PIGQ: variants seen among roughly 807,000 people sequenced by gnomAD.
PIGQ encodes the protein phosphatidylinositol glycan anchor biosynthesis class Q.
A neutral mutation model predicts 60.3 loss-of-function variants in PIGQ; 54 were observed. That is an observed-to-expected ratio of 0.90 (90% CI 0.72 to 1.12). PIGQ has a LOEUF of 1.12. PIGQ is among the 50% of genes most tolerant of loss of function. The pLI, the probability that PIGQ is intolerant of heterozygous loss-of-function variation, is 0.00. For synonymous variants in PIGQ, 416 were observed against 363.7 expected (o/e 1.14, Z -1.64); for missense variants, 799 against 793.5 (o/e 1.01, Z -0.08).
Position 583,389 on chromosome 16 carries a change from C to T in PIGQ, c.*354C>T. Reference sequence around the variant, plus strand: ...CCAGAGGGTCCGTCCACCACAGCAGCCCCAGGTGGAGGGCTGGTCTCCCTG... The same window carrying T: ...CCAGAGGGTCCGTCCACCACAGCAGTCCCAGGTGGAGGGCTGGTCTCCCTG... On this transcript the variant is annotated 3_prime_UTR_variant, in exon 11 of 11. Coordinates refer to ENST00000321878, the MANE Select transcript of PIGQ (RefSeq NM_004204.5). 3 of 1,612,750 alleles carry T rather than the reference C, an allele frequency of 1.9e-6. No individual in the cohort carries two copies. Among genetic ancestry groups the T allele is most frequent in the Non-Finnish European group, 2.5e-6 (3 of 1,179,932 alleles).
chr16:571,454 T>TGTG (rs2035624466), intron 1 of PIGQ, among the ~76,000 whole-genome samples: 1 of 43,986 alleles, frequency 2.3e-5, no homozygotes. Context: ...GTGTGTGTGT[T>TGTG]TGTGTCTGGC....
intron 1 of PIGQ, 47 bp from the exon 2 acceptor site, chr16:574,019 G>A (rs565864100): frequency 7.4e-7 from 1 of 1,351,338 alleles, no homozygotes; most frequent in African/African-American, 1.4e-5. Flanking sequence ...GCCCACGGTG[G>A]GGGGGCAGCA....
Position 575,953 on chromosome 16 carries a change from C to A in PIGQ, c.804C>A (p.Asn268Lys), listed in dbSNP as rs747036362. Reference sequence around the variant, plus strand: ...TCTTCAGTACACGGAAGGCGGAGAACCCTGCCCAGCTGATGAGGTGTGGGC... The same window carrying A: ...TCTTCAGTACACGGAAGGCGGAGAAACCTGCCCAGCTGATGAGGTGTGGGC... ...TLIFSTRKAENPAQLMRKANT... is the reference protein window; with the variant it reads ...TLIFSTRKAEKPAQLMRKANT... The change falls in exon 3 of 11, where the codon AAC (asparagine) becomes AAA (lysine). Residue 268 changes from asparagine (N) to lysine (K), a missense_variant. Coordinates refer to ENST00000321878, the MANE Select transcript of PIGQ (RefSeq NM_004204.5). The A allele has an allele frequency of 3.1e-5, 49 of 1,584,918 alleles. No individual in the cohort carries two copies. The highest frequency in any genetic ancestry group is 3.3e-4 in the Middle Eastern group (2 of 6,044).
Position 574,457 on chromosome 16 carries a change from T to C in PIGQ, c.383T>C (p.Leu128Pro). ...PGAPGEDQVM[L>P]IFYDQRQVLL... The stretch of plus-strand genomic sequence containing the variant: ...GCCCCTGGTGAGGACCAGGTCATGC[T>C]CATCTTCTATGACCAGCGCCAGGTG... The change falls in exon 2 of 11, where the codon CTC becomes CCC. Residue 128 changes from leucine (L) to proline (P), a missense_variant. Transcript: ENST00000321878. 2 of 1,610,834 alleles carry C rather than the reference T, an allele frequency of 1.2e-6. No homozygotes were observed. The highest frequency in any genetic ancestry group is 1.7e-6 in the Non-Finnish European group (2 of 1,179,222).
rs148097628 is a variant in PIGQ, at chr16:583,399, A to T, written c.*364A>T. The T allele has an allele frequency of 5.7e-4, 923 of 1,612,666 alleles. 1 individual carries two copies. Among genetic ancestry groups the T allele is most frequent in the Non-Finnish European group, 7.1e-4 (837 of 1,179,928 alleles). On this transcript the variant is annotated 3_prime_UTR_variant, in exon 11 of 11. Transcript: ENST00000321878. ...CGTCCACCACAGCAGCCCCAGGTGG[A>T]GGGCTGGTCTCCCTGGGGGCTCCCC...
At chr16:580,358 CTCCTGCTGCAGGCCACGTGGGTGGCCTT>C in intron 8 of PIGQ, 95 bp downstream of exon 8, 4 of 1,008,008 alleles carry the variant, frequency 4.0e-6, no homozygotes, top group Non-Finnish European at 6.0e-6. Flanking sequence ...GGCGGGCTGT[CTCCTGCTGCAGGCCACGTGGGTGGCCTT>C]TCAGGACCCT....
chr16:575,823 C>G lies in PIGQ; in HGVS notation c.690-16C>G. ...ATCTGGAGAGGGACACATCACTCCT[C>G]TCCACTCCCACGCAGAGTGTTCAAG... On this transcript the variant is annotated splice_polypyrimidine_tract_variant and intron_variant, in intron 2 of 10. Transcript: ENST00000321878. The G allele has an allele frequency of 1.3e-6, 2 of 1,554,458 alleles. No homozygotes were observed. Among genetic ancestry groups the G allele is most frequent in the Non-Finnish European group, 1.7e-6 (2 of 1,149,698 alleles).
At chr16:573,219 G>A (rs1408214290) in intron 1 of PIGQ, among the ~76,000 whole-genome samples, 1 of 152,244 alleles carries the variant, frequency 6.6e-6, no homozygotes, top group Non-Finnish European at 1.5e-5. Context: ...CCCTCAGCCT[G>A]AGAGTGCAGG....
At position 584,043 on chromosome 16, in the gene PIGQ, T is replaced by A; in HGVS notation, c.*1008T>A. The A allele has an allele frequency of 3.2e-6, 1 of 313,570 alleles. No individual in the cohort carries two copies. Among genetic ancestry groups the A allele is most frequent in the Non-Finnish European group, 6.3e-6 (1 of 158,434 alleles). The allele number at this position is 313,570 out of a possible 1,614,324, so 19.4% of individuals were successfully genotyped here. A position where few individuals can be genotyped will look rare whatever the true frequency, so the allele number is the denominator to read the frequency against. ...CAGCAGCACCAGGACTGCCTGGGAC[T>A]CCCTGGCAACCCAGCACCGGGGAAG... is the stretch of plus-strand genomic sequence containing the variant. On this transcript the variant is annotated 3_prime_UTR_variant, in exon 11 of 11. Coordinates refer to ENST00000321878, the MANE Select transcript of PIGQ (RefSeq NM_004204.5).
rs752541286 is a variant in PIGQ, at chr16:580,970, C to G, written c.1529C>G (p.Ala510Gly). ...CGGCTCTGCCGGCCCTACAGGCTGG[C>G]GGGTAAGTGCTGCGTATTGGGCAGC... is the stretch of plus-strand genomic sequence containing the variant. ...GLRLCRPYRL[A>G]AGVKFRVLRH... The change falls in exon 9 of 11, where the codon GCG becomes GGG. Residue 510 changes from alanine to glycine, a missense_variant and splice_region_variant. By Grantham distance (60) the Ala-to-Gly change is moderately conservative. Transcript: ENST00000321878. The G allele has an allele frequency of 1.9e-6, 3 of 1,597,748 alleles. No individual in the cohort carries two copies. Among genetic ancestry groups the G allele is most frequent in the Non-Finnish European group, 2.6e-6 (3 of 1,166,890 alleles).
chr16:574,348 C>G lies in PIGQ; in HGVS notation c.274C>G (p.Pro92Ala), dbSNP rs780554539. 4 of 1,609,390 alleles carry G rather than the reference C, an allele frequency of 2.5e-6. No homozygotes were observed. The African/African-American group carries it at 5.3e-5, about 21-fold the overall frequency. ...CCTGGGTGCTGTCTTCCCCCATGAG[C>G]CCTGGCTGCGGCTGTGCCGGGAGAG... ...ESLGAVFPHE[P>A]WLRLCRERGG... Residue 92 changes from proline (P) to alanine (A), a missense_variant, in exon 2 of 11, where the codon CCC becomes GCC. Physicochemically the swap from Pro to Ala is conservative, Grantham distance 27. Transcript: ENST00000321878.
rs1567178883 is a variant in PIGQ, at chr16:583,736, C to CT, written c.*701_*702insT. ...ACTGACCCAGCCGTACCTATTCGTCCACGGTGCCCCGTAGCAGCAGGTCCT... is the reference window on the plus strand; with the variant it reads ...ACTGACCCAGCCGTACCTATTCGTCCTACGGTGCCCCGTAGCAGCAGGTCCT... On this transcript the variant is annotated 3_prime_UTR_variant, in exon 11 of 11. Coordinates refer to ENST00000321878, the MANE Select transcript of PIGQ (RefSeq NM_004204.5). 1 of 1,355,802 alleles carries CT rather than the reference C, an allele frequency of 7.4e-7. No individual in the cohort carries two copies. Among genetic ancestry groups the CT allele is most frequent in the Admixed American group, 1.7e-5 (1 of 58,950 alleles). The allele number at this position is 1,355,802 out of a possible 1,614,324, so 84.0% of individuals were successfully genotyped here.
chr16:571,763 C>G (rs1356305875), intron 1 of PIGQ, among the ~76,000 whole-genome samples: 2 of 152,072 alleles, frequency 1.3e-5, no homozygotes. Flanking sequence ...CTTCTTTGTG[C>G]CGCCGACCGT....
chr16:571,038 CGTGTGTGTGTGTGTGTGTGTGT>C (rs1176149269), intron 1 of PIGQ, among the ~76,000 whole-genome samples: 21 of 85,220 alleles, frequency 2.5e-4, no homozygotes, highest in South Asian at 6.5e-4. Context: ...GCCTGGCGCC[CGTGTGTGTGTGTGTGTGTGTGT>C]GTGTGTGTGT....
rs1981484 is a variant in PIGQ, at chr16:580,710, A to G, written c.1417-148A>G. On this transcript the variant is annotated intron_variant, in intron 8 of 10. Coordinates refer to ENST00000321878, the MANE Select transcript of PIGQ (RefSeq NM_004204.5). ...GCTCCAGAGCAAGGCCCAATGGCAG[A>G]CTCCGTGCCCTGCTCAGGGTGGGGT... is the stretch of plus-strand genomic sequence containing the variant. 0.47 allele frequency: 312,106 copies of G among 661,778 alleles called. 76,460 individuals carry two copies. The highest frequency in any genetic ancestry group is 0.67 in the East Asian group (26,768 of 40,054). The allele number at this position is 661,778 out of a possible 1,614,324, so 41.0% of individuals were successfully genotyped here. A position where few individuals can be genotyped will look rare whatever the true frequency, so the allele number is the denominator to read the frequency against.
rs769911799 is a variant in PIGQ, at chr16:583,367, G to C, written c.*332G>C. 5 of 1,612,574 alleles carry C rather than the reference G, an allele frequency of 3.1e-6. No homozygotes were observed. Among genetic ancestry groups the C allele is most frequent in the Non-Finnish European group, 4.2e-6 (5 of 1,179,790 alleles). On this transcript the variant is annotated 3_prime_UTR_variant, in exon 11 of 11. Coordinates refer to ENST00000321878, the MANE Select transcript of PIGQ (RefSeq NM_004204.5). ...TGCCCACCCTGTGTACCCAGGTCCA[G>C]AGGGTCCGTCCACCACAGCAGCCCC... is the stretch of plus-strand genomic sequence containing the variant.
In PIGQ at chr16:578,793, C is replaced by T. The variant is rs1172685194; in HGVS notation, c.1078C>T (p.His360Tyr). 6.2e-7 allele frequency: 1 copy of T among 1,613,392 alleles called. No individual in the cohort carries two copies. The highest frequency in any genetic ancestry group is 1.1e-5 in the South Asian group (1 of 91,078). Residue 360 changes from histidine (H) to tyrosine (Y), a missense_variant, in exon 6 of 11, where the codon CAC becomes TAC. By Grantham distance (83) the His-to-Tyr change is moderately conservative. Transcript: ENST00000321878. ...YHIHLWISYIHLMSPFVEHIL... is the reference protein window; with the variant it reads ...YHIHLWISYIYLMSPFVEHIL... ...CTACCCCACCCTGCCAGGCTACATC[C>T]ACCTCATGTCCCCCTTCGTGGAGCA...
At position 582,700 on chromosome 16, in the gene PIGQ, C is replaced by A. The variant is rs1343717029; in HGVS notation, c.1594-183C>A. ...GGGAGATGCAGCTTCTGCCTCCCCC[C>A]AGCGCTCCCTTCTGGCTGCAGGCTC... On this transcript the variant is annotated intron_variant, in intron 10 of 10. Transcript: ENST00000321878. 3 of 705,882 alleles carry A rather than the reference C, an allele frequency of 4.2e-6. No individual in the cohort carries two copies. The Admixed American group carries it at 7.2e-5, about 17-fold the overall frequency. 43.7% of individuals were successfully genotyped at this position (705,882 alleles called of 1,614,324 possible).
chr16:582,401 GC>G (rs2035828770), intron 10 of PIGQ, 92 bp downstream of exon 10: 1 of 922,578 alleles, frequency 1.1e-6, no homozygotes, highest in African/African-American at 1.6e-5. Flanking sequence ...GTGGCACCAC[GC>G]CAGCCTGCGA....
Sources: allele counts gnomAD v4.1 joint callset (sites outside exome capture counted in the v4.1 genomes callset), GRCh38; gene constraint gnomAD v4.1.1; transcripts MANE v1.5; gene names NCBI Gene and HGNC (gene_info 2026-07-23, HGNC 2026-07-21).